Variants in AK5 observed in about 807,000 individuals in gnomAD.
AK5 encodes the protein adenylate kinase isoenzyme 5.
AK5 carries 27 observed loss-of-function variants against 69.5 expected under a neutral mutation model. The observed-to-expected ratio is 0.39, with a 90% CI of 0.29 to 0.54. The LOEUF is 0.54. AK5 is among the 20% of genes least tolerant of loss of function. The pLI, the probability that AK5 is intolerant of heterozygous loss-of-function variation, is 0.71. For missense variants in AK5, 531 were observed against 700.4 expected (o/e 0.76, Z 2.73); for synonymous variants, 260 against 244.4 (o/e 1.06, Z -0.60).
intron 13 of AK5, among the ~76,000 whole-genome samples, chr1:77,554,800 T>C (rs2100404619): frequency 6.9e-6 from 1 of 145,668 alleles, no homozygotes; most frequent in South Asian, 2.2e-4. Context: ...GTATTTTTAG[T>C]AGAGACGGGG....
intron 6 of AK5, among the ~76,000 whole-genome samples, chr1:77,380,971 C>G (rs1306407270): frequency 6.6e-6 from 1 of 152,194 alleles, no homozygotes; most frequent in African/African-American, 2.4e-5. Context: ...AAAATCCTAA[C>G]TCCACTTTTC....
intron 8 of AK5, among the ~76,000 whole-genome samples, chr1:77,442,244 G>T (rs567856843): frequency 1.3e-5 from 2 of 152,306 alleles, no homozygotes; most frequent in African/African-American, 4.8e-5. Flanking sequence ...ATGAAAGACT[G>T]CCATGGCTAC....
chr1:77,309,010 A>G (rs1224049219), intron 5 of AK5, among the ~76,000 whole-genome samples: 1 of 150,996 alleles, frequency 6.6e-6, no homozygotes, highest in East Asian at 1.9e-4. Context: ...TCTCACTTAT[A>G]AGTGGGAGCA....
intron 6 of AK5, among the ~76,000 whole-genome samples, chr1:77,389,064 G>A (rs144082175): frequency 1.4e-3 from 219 of 152,316 alleles, no homozygotes; most frequent in Non-Finnish European, 2.6e-3. Flanking sequence ...AGCTTACAAC[G>A]TTGAGAATAG....
At chr1:77,287,916 A>G (rs1261877617) in intron 2 of AK5, among the ~76,000 whole-genome samples, 1 of 152,216 alleles carries the variant, frequency 6.6e-6, no homozygotes, top group Non-Finnish European at 1.5e-5. Flanking sequence ...CTCCTAAGTT[A>G]GGTTTTCAAT....
At chr1:77,369,822 G>A (rs1840246) in intron 6 of AK5, among the ~76,000 whole-genome samples, 29,619 of 152,130 alleles carry the variant, frequency 0.19, 3,285 homozygotes, top group Middle Eastern at 0.32. Context: ...TTTGACAAAA[G>A]CATTAAGGAT....
chr1:77,505,425 A>G (rs948405587), intron 10 of AK5, among the ~76,000 whole-genome samples: 5 of 152,230 alleles, frequency 3.3e-5, no homozygotes, highest in African/African-American at 1.2e-4. Context: ...TGTAGGAAAA[A>G]AGCAGCAGAG....
intron 6 of AK5, among the ~76,000 whole-genome samples, chr1:77,367,580 A>ATATATGT (rs1646984732): frequency 8.6e-4 from 2 of 2,318 alleles, no homozygotes. Context: ...TATATATATA[A>ATATATGT]TATATATGTT....
At chr1:77,387,332 G>T (rs989238169) in intron 6 of AK5, among the ~76,000 whole-genome samples, 1 of 152,148 alleles carries the variant, frequency 6.6e-6, no homozygotes, top group Non-Finnish European at 1.5e-5. Flanking sequence ...ATATTAGAAT[G>T]TTAAAGATAC....
rs571917060 is a variant in AK5, at chr1:77,491,614, T to A, written c.1147+5262T>A. On this transcript the variant is annotated intron_variant, in intron 10 of 13. Transcript: ENST00000354567. ...GTCACCGTGCTCAGCCATGAATTGATTATTTAAAGTATCTACCTGCTGCTT... is the reference window on the plus strand; with the variant it reads ...GTCACCGTGCTCAGCCATGAATTGAATATTTAAAGTATCTACCTGCTGCTT... Among the ~76,000 whole-genome samples, 4 of 152,326 alleles carry A rather than the reference T, an allele frequency of 2.6e-5. No homozygotes were observed. The East Asian group carries it at 7.7e-4, about 29-fold the overall frequency.
chr1:77,485,357 G>C (rs1472958745), intron 9 of AK5, among the ~76,000 whole-genome samples: 1 of 152,142 alleles, frequency 6.6e-6, no homozygotes, highest in Admixed American at 6.5e-5. Context: ...TAGAGTTGGG[G>C]CTTCACTCAG....
chr1:77,493,920 G>A (rs1188436122), intron 10 of AK5, among the ~76,000 whole-genome samples: 2 of 152,184 alleles, frequency 1.3e-5, no homozygotes, highest in African/African-American at 4.8e-5. Context: ...AGGGTTCCAA[G>A]TAATGTTGAA....
chr1:77,398,248 T>TA (rs1162874466), intron 6 of AK5, among the ~76,000 whole-genome samples: 4 of 152,166 alleles, frequency 2.6e-5, no homozygotes, highest in African/African-American at 9.7e-5. Flanking sequence ...AATTAGCCCC[T>TA]AGTCACACAT....
chr1:77,497,845 GC>G (rs1057083295), intron 10 of AK5, among the ~76,000 whole-genome samples: 76 of 152,294 alleles, frequency 5.0e-4, no homozygotes, highest in African/African-American at 1.8e-3. Flanking sequence ...GCCTCCCAAA[GC>G]ACTGGGATTA....
At chr1:77,550,505 C>T (rs752126918) in intron 13 of AK5, among the ~76,000 whole-genome samples, 1 of 152,174 alleles carries the variant, frequency 6.6e-6, no homozygotes, top group Admixed American at 6.5e-5. Context: ...GAGGAAGTCT[C>T]ATTCACAGAA....
At chr1:77,482,560 G>T (rs1175750492) in intron 8 of AK5, among the ~76,000 whole-genome samples, 1 of 152,018 alleles carries the variant, frequency 6.6e-6, no homozygotes, top group African/African-American at 2.4e-5. Flanking sequence ...ATCACTTGAG[G>T]TCAGGAGTTT....
chr1:77,488,736 C>T (rs1044758795), intron 10 of AK5, among the ~76,000 whole-genome samples: 5 of 152,138 alleles, frequency 3.3e-5, no homozygotes, highest in African/African-American at 1.2e-4. Context: ...CTCCTTTTCA[C>T]ATGTTTCTGC....
intron 8 of AK5, among the ~76,000 whole-genome samples, chr1:77,477,003 AGTGT>A (rs10625085): frequency 1.3e-4 from 19 of 146,996 alleles, no homozygotes; most frequent in African/African-American, 2.0e-4. Context: ...TGTTCTTTTT[AGTGT>A]GTGTGTGTGT....
intron 12 of AK5, among the ~76,000 whole-genome samples, chr1:77,529,380 C>T (rs1437914390): frequency 1.3e-5 from 2 of 148,364 alleles, no homozygotes; most frequent in Non-Finnish European, 3.0e-5. Flanking sequence ...GTCCCACAGG[C>T]TGGAGTGCAA....
Sources: allele counts gnomAD v4.1 joint callset (sites outside exome capture counted in the v4.1 genomes callset), GRCh38; gene constraint gnomAD v4.1.1; transcripts MANE v1.5; gene names NCBI Gene and HGNC (gene_info 2026-07-23, HGNC 2026-07-21).